Variants in AKT3 observed in about 807,000 individuals in gnomAD.
The protein encoded by AKT3 is RAC-gamma serine/threonine-protein kinase.
Under a neutral mutation model 65.3 loss-of-function variants are expected in AKT3, and 15 were observed. The observed-to-expected ratio is 0.23, with a 90% CI of 0.15 to 0.35. The LOEUF (loss-of-function observed/expected upper bound fraction) is 0.35, where lower values mean the gene tolerates loss of function less well. AKT3 is among the 10% of genes least tolerant of loss of function. The pLI is 1.00. For missense variants in AKT3, 243 were observed against 576.5 expected, an observed-to-expected ratio of 0.42 and a Z score of 5.92; for synonymous variants, 206 against 183.8, an observed-to-expected ratio of 1.12 and a Z score of -0.98.
At chr1:243,738,350 G>A (rs963212473) in intron 2 of AKT3, among the ~76,000 whole-genome samples, 4 of 152,094 alleles carry the variant, frequency 2.6e-5, no homozygotes, top group African/African-American at 9.7e-5. Flanking sequence ...AAACTGTCTC[G>A]ACTACTTTCA....
At position 243,792,740 on chromosome 1, in the gene AKT3, A is replaced by G. The variant is rs898897461; in HGVS notation, c.46+50385T>C. ...AGAGATCACTTATCTCTGTAGGAAGAAAAGCAATGGCCATTCCTAGCATAC... is the reference window on the plus strand; with the variant it reads ...AGAGATCACTTATCTCTGTAGGAAGGAAAGCAATGGCCATTCCTAGCATAC... On this transcript the variant is annotated intron_variant, in intron 2 of 13. Transcript: ENST00000673466. 2.6e-5 allele frequency among the ~76,000 whole-genome samples: 4 copies of G among 152,216 alleles called. No individual in the cohort carries two copies. In the South Asian group the frequency reaches 8.3e-4, roughly 31 times the overall value.
intron 2 of AKT3, among the ~76,000 whole-genome samples, chr1:243,801,402 T>C (rs1692374585): frequency 6.6e-6 from 1 of 152,226 alleles, no homozygotes; most frequent in Admixed American, 6.5e-5. Flanking sequence ...AACCCATGTA[T>C]TTCATATGTA....
chr1:243,626,657 G>T (rs989649663), intron 6 of AKT3, among the ~76,000 whole-genome samples: 8 of 152,126 alleles, frequency 5.3e-5, no homozygotes, highest in Non-Finnish European at 1.2e-4. Context: ...CCTTCCAGGG[G>T]TTCCTGACAT....
At chr1:243,803,681 CACACACACACAT>C (rs1268652878) in intron 2 of AKT3, among the ~76,000 whole-genome samples, 82 of 146,326 alleles carry the variant, frequency 5.6e-4, no homozygotes, top group African/African-American at 2.1e-3. Context: ...CACACACACA[CACACACACACAT>C]AAGACTGAAA....
intron 12 of AKT3, among the ~76,000 whole-genome samples, chr1:243,518,180 A>G (rs1670484709): frequency 6.6e-6 from 1 of 152,228 alleles, no homozygotes; most frequent in Non-Finnish European, 1.5e-5. Context: ...TTGTTTCTCT[A>G]TACATTAGTC....
At chr1:243,785,197 T>C (rs1439286576) in intron 2 of AKT3, among the ~76,000 whole-genome samples, 1 of 151,602 alleles carries the variant, frequency 6.6e-6, no homozygotes, top group South Asian at 2.1e-4. Flanking sequence ...CAGGTGTGAG[T>C]AGCTGGGACT....
chr1:243,611,365 A>G (rs1263813049), intron 8 of AKT3, among the ~76,000 whole-genome samples: 1 of 152,168 alleles, frequency 6.6e-6, no homozygotes, highest in Non-Finnish European at 1.5e-5. Flanking sequence ...GTTTCTACCA[A>G]GATCTAATTA....
intron 2 of AKT3, among the ~76,000 whole-genome samples, chr1:243,757,173 C>G (rs1457658341): frequency 6.6e-6 from 1 of 152,190 alleles, no homozygotes; most frequent in African/African-American, 2.4e-5. Flanking sequence ...TGAATGGGGT[C>G]TGATGATCAG....
chr1:243,754,751 G>A (rs982173261), intron 2 of AKT3, among the ~76,000 whole-genome samples: 3 of 152,078 alleles, frequency 2.0e-5, no homozygotes, highest in Admixed American at 6.6e-5. Context: ...TCCCAAAACC[G>A]TCCCCCCTCC....
At chr1:243,616,484 G>A (rs1678329862) in intron 6 of AKT3, among the ~76,000 whole-genome samples, 1 of 152,024 alleles carries the variant, frequency 6.6e-6, no homozygotes, top group South Asian at 2.1e-4. Flanking sequence ...TGGAGAACTG[G>A]AGATAATGTT....
chr1:243,527,809 C>A (rs543828303), intron 12 of AKT3, among the ~76,000 whole-genome samples: 1 of 150,284 alleles, frequency 6.7e-6, no homozygotes, highest in Non-Finnish European at 1.5e-5. Context: ...GAGGCTGCAG[C>A]GAGCTGTGAT....
chr1:243,803,152 T>A (rs34477525), intron 2 of AKT3, among the ~76,000 whole-genome samples: 33,667 of 151,756 alleles, frequency 0.22, 4,025 homozygotes, highest in East Asian at 0.34. Flanking sequence ...TAATTTTTTT[T>A]AAAAAATTAT....
At chr1:243,552,641 T>C in intron 11 of AKT3, 88 bp downstream of exon 11, 1 of 1,203,236 alleles carries the variant, frequency 8.3e-7, no homozygotes, top group Non-Finnish European at 1.2e-6. Flanking sequence ...ACATTGCTTC[T>C]TGGAGTTAGT....
chr1:243,649,321 G>A (rs879781573), intron 4 of AKT3, among the ~76,000 whole-genome samples: 7,393 of 44,212 alleles, frequency 0.17, 275 homozygotes, highest in Non-Finnish European at 0.33. Context: ...ATATGTGTGT[G>A]TGTGTGTGTG....
At chr1:243,684,738 C>T (rs771287037) in intron 3 of AKT3, among the ~76,000 whole-genome samples, 1 of 152,200 alleles carries the variant, frequency 6.6e-6, no homozygotes, top group Non-Finnish European at 1.5e-5. Flanking sequence ...GCCACACTGT[C>T]TTCCACAACG....
intron 2 of AKT3, among the ~76,000 whole-genome samples, chr1:243,715,385 G>C (rs1292707679): frequency 6.6e-6 from 1 of 152,004 alleles, no homozygotes; most frequent in East Asian, 1.9e-4. Flanking sequence ...TTTGTATACT[G>C]CTTTACAGTT....
chr1:243,847,343 C>T (rs1695563205), intron 1 of AKT3, among the ~76,000 whole-genome samples: 1 of 152,152 alleles, frequency 6.6e-6, no homozygotes, highest in Non-Finnish European at 1.5e-5. Context: ...TCAAATCATG[C>T]TAAGCATCCA....
intron 2 of AKT3, among the ~76,000 whole-genome samples, chr1:243,731,031 T>A (rs2148144474): frequency 6.6e-6 from 1 of 152,256 alleles, no homozygotes; most frequent in East Asian, 1.9e-4. Context: ...CCTGCCGGGC[T>A]GAGTGGGTGG....
At chr1:243,670,743 T>C (rs1038758539) in intron 3 of AKT3, among the ~76,000 whole-genome samples, 1 of 152,270 alleles carries the variant, frequency 6.6e-6, no homozygotes, top group South Asian at 2.1e-4. Context: ...CTGTTACTTA[T>C]ATTAGATAGT....
Sources: allele counts gnomAD v4.1 joint callset (sites outside exome capture counted in the v4.1 genomes callset), GRCh38; gene constraint gnomAD v4.1.1; transcripts MANE v1.5; gene names NCBI Gene and HGNC (gene_info 2026-07-23, HGNC 2026-07-21).